Variants in RBBP6 observed in about 807,000 individuals in gnomAD.
The protein encoded by RBBP6 is E3 ubiquitin-protein ligase RBBP6.
In RBBP6, 25 loss-of-function variants were observed where a neutral mutation model predicts 167.7. The observed-to-expected ratio is 0.15, with a 90% CI of 0.11 to 0.21. The LOEUF (loss-of-function observed/expected upper bound fraction) is 0.21, where lower values mean the gene tolerates loss of function less well. RBBP6 is among the 10% of genes least tolerant of loss of function. RBBP6 has a pLI of 1.00. For synonymous variants in RBBP6, 789 were observed against 735.8 expected (o/e 1.07, Z -1.17); for missense variants, 1,868 against 2,134.2 (o/e 0.88, Z 2.46).
In RBBP6 at chr16:24,570,402, A is replaced by G. The variant is rs377443275; in HGVS notation, c.3712A>G (p.Thr1238Ala). ...TKEPSEKLES[T>A]SSKVKQEKVK... The stretch of plus-strand genomic sequence containing the variant: ...AGAACCCTCTGAAAAATTGGAGTCA[A>G]CATCTAGCAAAGTTAAACAAGAAAA... Residue 1238 changes from threonine (T) to alanine (A), a missense_variant, in exon 17 of 18, where the codon ACA becomes GCA. Thr to Ala is a moderately conservative substitution (Grantham distance 58). This residue lies in a region of RBBP6 where 673 missense variants were observed against 691.5 expected (regional missense o/e 0.97). Transcript: ENST00000319715. The G allele has an allele frequency of 5.0e-6, 8 of 1,611,714 alleles. No homozygotes were observed. Among genetic ancestry groups the G allele is most frequent in the East Asian group, 4.5e-5 (2 of 44,882 alleles).
chr16:24,556,792 T>G (rs553805572), intron 7 of RBBP6, among the ~76,000 whole-genome samples: 15 of 152,162 alleles, frequency 9.9e-5, no homozygotes, highest in Non-Finnish European at 1.9e-4. Context: ...CAAAACAGAT[T>G]GTAATCATTT....
chr16:24,555,748 GT>G (rs759820516), intron 5 of RBBP6, 45 bp downstream of exon 5: 403 of 1,590,204 alleles, frequency 2.5e-4, no homozygotes, highest in Middle Eastern at 3.3e-4. Context: ...TTTGGGGTGG[GT>G]TTTCCCCCCC....
chr16:24,572,306 A>G lies in RBBP6; in HGVS notation c.5240A>G (p.His1747Arg), dbSNP rs774415699. 11 of 1,580,744 alleles carry G rather than the reference A, an allele frequency of 7.0e-6. 1 individual carries two copies. In the Admixed American group the frequency reaches 1.1e-4, roughly 16 times the overall value. ...KHKKHKKHKKHKKHAGTEVEL... is the reference protein window; with the variant it reads ...KHKKHKKHKKRKKHAGTEVEL... Reference sequence around the variant, plus strand: ...AAGAAACATAAAAAGCATAAGAAGCATAAGAAACATGCAGGCACTGAAGTG... The same window carrying G: ...AAGAAACATAAAAAGCATAAGAAGCGTAAGAAACATGCAGGCACTGAAGTG... Residue 1747 changes from histidine to arginine, a missense_variant, in exon 18 of 18, where the codon CAT (histidine) becomes CGT (arginine). This residue lies in a region of RBBP6 where 591 missense variants were observed against 540.5 expected (regional missense o/e 1.09). Transcript: ENST00000319715.
intron 4 of RBBP6, 110 bp downstream of exon 4, chr16:24,553,667 C>A: frequency 2.7e-6 from 2 of 744,706 alleles, no homozygotes; most frequent in Non-Finnish European, 4.2e-6. Context: ...TTTGCAAAAG[C>A]ATTGTACATA....
chr16:24,541,056 AATG>A (rs960809465), intron 1 of RBBP6, among the ~76,000 whole-genome samples: 6 of 151,874 alleles, frequency 4.0e-5, no homozygotes, highest in Non-Finnish European at 8.8e-5. Flanking sequence ...TGTTTTTTAA[AATG>A]AGGGAGGGAG....
chr16:24,554,769 T>C (rs1812882058), intron 4 of RBBP6: 1 of 151,438 alleles, frequency 6.6e-6, no homozygotes, highest in Non-Finnish European at 1.5e-5. Flanking sequence ...GGATTGGTTT[T>C]TTTTTTTTGT....
In RBBP6 at chr16:24,564,785, T is replaced by TC; in HGVS notation, c.1521-11dup. The TC allele has an allele frequency of 6.2e-7, 1 of 1,611,210 alleles. No homozygotes were observed. Among genetic ancestry groups the TC allele is most frequent in the East Asian group, 2.2e-5 (1 of 44,790 alleles). ...AGAAATACTTGAGCCTATTTTTTTT[T>TC]CTCCCACACAGTTCCAACAAACTTG... On this transcript the variant is annotated splice_polypyrimidine_tract_variant and intron_variant, in intron 13 of 17. Transcript: ENST00000319715.
intron 3 of RBBP6, among the ~76,000 whole-genome samples, chr16:24,552,096 CTT>C (rs141656410): frequency 0.013 from 2,026 of 151,898 alleles, 52 homozygotes; most frequent in African/African-American, 0.046. Flanking sequence ...ATCATGAACT[CTT>C]TTATAGTCAG....
In RBBP6 at chr16:24,571,331, G is replaced by T. The variant is rs748901684; in HGVS notation, c.4265G>T (p.Ser1422Ile). Residue 1422 changes from serine to isoleucine, a missense_variant, in exon 18 of 18, where the codon AGC (serine) becomes ATC (isoleucine). Transcript: ENST00000319715. ...EKENPEKRKN[S>I]TQPEKESNLD... ...GAGAACCCTGAAAAGAGGAAGAACA[G>T]CACTCAGCCAGAGAAAGAGAGTAAT... The T allele has an allele frequency of 6.2e-7, 1 of 1,614,112 alleles. No homozygotes were observed. Among genetic ancestry groups the T allele is most frequent in the South Asian group, 1.1e-5 (1 of 91,076 alleles).
intron 16 of RBBP6, 108 bp from the exon 17 acceptor site, chr16:24,568,637 A>G: frequency 2.9e-6 from 4 of 1,403,242 alleles, no homozygotes; most frequent in Admixed American, 2.8e-5. Context: ...ATGAAATTTG[A>G]TATAAAGATA....
At chr16:24,564,364 C>T (rs190319420) in intron 13 of RBBP6, among the ~76,000 whole-genome samples, 41 of 152,244 alleles carry the variant, frequency 2.7e-4, no homozygotes, top group African/African-American at 9.9e-4. Context: ...CCTTCATTTC[C>T]TAGCTGCATG....
chr16:24,554,794 G>A (rs1163144014), intron 4 of RBBP6: 1 of 150,256 alleles, frequency 6.7e-6, no homozygotes, highest in Non-Finnish European at 1.5e-5. Context: ...TTAAACTACA[G>A]GTATTTGTAA....
In RBBP6 at chr16:24,563,424, G is replaced by A. The variant is rs937134200; in HGVS notation, c.1388G>A (p.Gly463Asp). 5 of 1,602,382 alleles carry A rather than the reference G, an allele frequency of 3.1e-6. No homozygotes were observed. Among genetic ancestry groups the A allele is most frequent in the Non-Finnish European group, 4.3e-6 (5 of 1,176,270 alleles). The change falls in exon 12 of 18, where the codon GGT (glycine) becomes GAT (aspartate). Residue 463 changes from glycine to aspartate, a missense_variant and splice_region_variant. Physicochemically the swap from Gly to Asp is moderately conservative, Grantham distance 94 (BLOSUM62 -1). Coordinates refer to ENST00000319715, the MANE Select transcript of RBBP6 (RefSeq NM_006910.5). ...IAITALMEEK[G>D]YQVPVLGTPS... Reference sequence around the variant, plus strand: ...GTTTATTTGTGGTTGTTTCTAAAGGGTTACCAGGTGCCTGTTCTTGGAACC... The same window carrying A: ...GTTTATTTGTGGTTGTTTCTAAAGGATTACCAGGTGCCTGTTCTTGGAACC...
At position 24,569,747 on chromosome 16, in the gene RBBP6, C is replaced by G; in HGVS notation, c.3057C>G (p.Thr1019=). Residue 1019 remains threonine (T), a synonymous_variant, in exon 17 of 18, where the codon ACC becomes ACG. Transcript: ENST00000319715. ...AACCAAAAGCAAAGGGTGATAAAAC[C>G]AAACGGAAGAATGATGGATCTGCTG... The part of the protein sequence containing the change: ...RDKPKAKGDK[T]KRKNDGSAVS... The G allele has an allele frequency of 1.2e-6, 2 of 1,613,788 alleles. No individual in the cohort carries two copies. Among genetic ancestry groups the G allele is most frequent in the Non-Finnish European group, 1.7e-6 (2 of 1,179,948 alleles).
chr16:24,546,451 TAGC>T (rs1898652726), intron 2 of RBBP6, among the ~76,000 whole-genome samples, 189 bp downstream of exon 2: 1 of 152,218 alleles, frequency 6.6e-6, no homozygotes, highest in Admixed American at 6.5e-5. Context: ...TAAATTGACT[TAGC>T]CTGTTGTGAG....
intron 1 of RBBP6, among the ~76,000 whole-genome samples, chr16:24,541,339 A>G (rs564584093): frequency 1.3e-5 from 2 of 152,122 alleles, no homozygotes; most frequent in Admixed American, 1.3e-4. Flanking sequence ...GAACTTTAAT[A>G]TTTTTGAGGA....
At chr16:24,557,636 C>T (rs369255755) in intron 7 of RBBP6, among the ~76,000 whole-genome samples, 1 of 152,052 alleles carries the variant, frequency 6.6e-6, no homozygotes, top group East Asian at 1.9e-4. Context: ...TGATAAGACC[C>T]TGATTCTACA....
chr16:24,558,762 T>C (rs2141468295), intron 7 of RBBP6, among the ~76,000 whole-genome samples: 1 of 152,304 alleles, frequency 6.6e-6, no homozygotes, highest in East Asian at 1.9e-4. Flanking sequence ...AATGCATTTC[T>C]ACAAAAAACT....
At chr16:24,541,921 A>G (rs937204844) in intron 1 of RBBP6, among the ~76,000 whole-genome samples, 3 of 152,214 alleles carry the variant, frequency 2.0e-5, no homozygotes, top group Non-Finnish European at 4.4e-5. Context: ...CCTGTAGTTT[A>G]GGTAGAGTAA....
Sources: gnomAD v4.1 joint callset for allele counts (sites outside exome capture counted in the v4.1 genomes callset) on GRCh38, gnomAD v4.1.1 for gene constraint, gnomAD v4.1.1 regional missense constraint, MANE v1.5 for transcripts, NCBI Gene and HGNC (gene_info 2026-07-23, HGNC 2026-07-21) for gene names.